The following SCAPER variants were observed in gnomAD, a reference collection of about 807,000 sequenced individuals.
SCAPER encodes the protein S-phase cyclin A associated protein in the ER, also known as S phase cyclin A-associated protein in the endoplasmic reticulum.
Under a neutral mutation model 182.2 loss-of-function variants are expected in SCAPER, and 98 were observed. That is an observed-to-expected ratio of 0.54 (90% confidence interval 0.46 to 0.64). The LOEUF is 0.64. Ranked by LOEUF, SCAPER falls within the 30% of genes least tolerant of loss-of-function variation. The probability of loss-of-function intolerance (pLI) is 0.00; values close to 1 mark genes in which losing one functional copy is unlikely to be tolerated. For synonymous variants in SCAPER, 605 were observed against 564.6 expected, an observed-to-expected ratio of 1.07 and a Z score of -1.01; for missense variants, 1,432 against 1,690.0, an observed-to-expected ratio of 0.85 and a Z score of 2.68.
chr15:76,568,214 TATATATATATAC>T (rs1462555265), intron 23 of SCAPER, among the ~76,000 whole-genome samples: 5 of 101,230 alleles, frequency 4.9e-5, no homozygotes, highest in Non-Finnish European at 1.2e-4. Flanking sequence ...TATATATATA[TATATATATATAC>T]AAATGGGACT....
chr15:76,609,692 A>G (rs1316859124), intron 22 of SCAPER, among the ~76,000 whole-genome samples: 1 of 152,214 alleles, frequency 6.6e-6, no homozygotes, highest in Non-Finnish European at 1.5e-5. Flanking sequence ...GACTTTTAGT[A>G]TATCCTGTCA....
At chr15:76,364,168 A>T (rs1002124691) in intron 29 of SCAPER, among the ~76,000 whole-genome samples, 1 of 152,244 alleles carries the variant, frequency 6.6e-6, no homozygotes, top group Admixed American at 6.5e-5. Flanking sequence ...TCCTTTGGCT[A>T]GCACCGCAAA....
chr15:76,637,742 ATGTGTGTGTG>A (rs55726181), intron 21 of SCAPER, among the ~76,000 whole-genome samples: 17,301 of 105,646 alleles, frequency 0.16, 2,181 homozygotes, highest in Admixed American at 0.23. Flanking sequence ...ATATATATAT[ATGTGTGTGTG>A]TGTGTGTGTG....
At chr15:76,404,502 T>C in intron 27 of SCAPER, 22 bp downstream of exon 27, 3 of 1,579,452 alleles carry the variant, frequency 1.9e-6, no homozygotes, top group Non-Finnish European at 2.6e-6. Context: ...GAGTCTAGAT[T>C]GAGATCAAGT....
intron 2 of SCAPER, among the ~76,000 whole-genome samples, chr15:76,873,457 T>C (rs2072922637): frequency 1.3e-5 from 2 of 151,902 alleles, no homozygotes; most frequent in African/African-American, 4.8e-5. Flanking sequence ...TGGAAAGATA[T>C]ACTGCTAGAG....
chr15:76,843,319 G>C (rs778947101), intron 4 of SCAPER, among the ~76,000 whole-genome samples: 10 of 152,024 alleles, frequency 6.6e-5, no homozygotes, highest in Admixed American at 3.9e-4. Context: ...TTTTATAAAG[G>C]GTTTTTGAAA....
At chr15:76,389,769 A>G (rs896918739) in intron 27 of SCAPER, among the ~76,000 whole-genome samples, 1 of 141,644 alleles carries the variant, frequency 7.1e-6, no homozygotes, top group Non-Finnish European at 1.5e-5. Flanking sequence ...AGGAGTGGAG[A>G]TGCGCCACTG....
chr15:76,780,223 C>T (rs188166528), intron 8 of SCAPER, among the ~76,000 whole-genome samples: 1 of 152,374 alleles, frequency 6.6e-6, no homozygotes, highest in East Asian at 1.9e-4. Context: ...CCAGGAGATT[C>T]TCTCCCGCGC....
At chr15:76,883,609 GA>G (rs2073692316) in intron 2 of SCAPER, among the ~76,000 whole-genome samples, 2 of 152,210 alleles carry the variant, frequency 1.3e-5, no homozygotes, top group African/African-American at 4.8e-5. Flanking sequence ...ATAAGTGTTA[GA>G]GGCAAGCCTG....
At chr15:76,735,697 C>CAAAA (rs34341849) in intron 15 of SCAPER, among the ~76,000 whole-genome samples, 3 of 106,658 alleles carry the variant, frequency 2.8e-5, no homozygotes, top group African/African-American at 1.3e-4. Flanking sequence ...GACTCCGTCT[C>CAAAA]AAAAAAAAAA....
At chr15:76,819,022 G>C (rs112114275) in intron 5 of SCAPER, among the ~76,000 whole-genome samples, 6 of 152,202 alleles carry the variant, frequency 3.9e-5, no homozygotes, top group Non-Finnish European at 8.8e-5. Flanking sequence ...ACTGCAAGGC[G>C]GCAGCGAGGC....
In SCAPER at chr15:76,640,581, A is replaced by G. The variant is rs139041886; in HGVS notation, c.2646-18752T>C. ...TCTTTGGGAGGATCCACTATCATTA[A>G]TTTTATTCTGTGTATAATTTGTGCT... is the stretch of plus-strand genomic sequence containing the variant. On this transcript the variant is annotated intron_variant, in intron 21 of 31. Coordinates refer to ENST00000563290, the MANE Select transcript of SCAPER (RefSeq NM_020843.4). Among the ~76,000 whole-genome samples, 152 of 152,294 alleles carry G rather than the reference A, an allele frequency of 1.0e-3. 2 individuals carry two copies. In the East Asian group the frequency reaches 0.014, roughly 14 times the overall value.
intron 6 of SCAPER, among the ~76,000 whole-genome samples, chr15:76,802,266 G>C (rs2065855178): frequency 6.6e-6 from 1 of 152,146 alleles, no homozygotes; most frequent in African/African-American, 2.4e-5. Flanking sequence ...ATTAGACCCG[G>C]TATAGGCTCT....
chr15:76,608,429 T>C (rs2050661049), intron 22 of SCAPER, among the ~76,000 whole-genome samples: 1 of 152,196 alleles, frequency 6.6e-6, no homozygotes, highest in South Asian at 2.1e-4. Context: ...CTGCCCCTAC[T>C]GGGGGATGCC....
rs745328808 is a variant in SCAPER at position 76,753,959 on chromosome 15, T to G, written c.1726-11A>C. The stretch of plus-strand genomic sequence containing the variant: ...CCGGACATCCTTCTCCTACGTATAG[T>G]GAATCATCACATCCTTAATTTCAAT... On this transcript the variant is annotated splice_polypyrimidine_tract_variant and intron_variant, in intron 14 of 31. Coordinates refer to ENST00000563290, the MANE Select transcript of SCAPER (RefSeq NM_020843.4). 6.2e-7 allele frequency: 1 copy of G among 1,610,128 alleles called. No individual in the cohort carries two copies. The highest frequency in any genetic ancestry group is 8.5e-7 in the Non-Finnish European group (1 of 1,178,080).
At chr15:76,433,596 G>A (rs969938501) in intron 26 of SCAPER, among the ~76,000 whole-genome samples, 1 of 152,012 alleles carries the variant, frequency 6.6e-6, no homozygotes, top group African/African-American at 2.4e-5. Context: ...AAAATTTTTG[G>A]TTTCACTGAG....
chr15:76,543,663 A>G (rs545642102), intron 23 of SCAPER, among the ~76,000 whole-genome samples: 2 of 152,258 alleles, frequency 1.3e-5, no homozygotes, highest in South Asian at 2.1e-4. Context: ...GGATGCTTCA[A>G]AGTGGAGGAA....
chr15:76,484,493 G>C (rs1462861337), intron 24 of SCAPER, among the ~76,000 whole-genome samples: 2 of 152,126 alleles, frequency 1.3e-5, no homozygotes, highest in African/African-American at 4.8e-5. Context: ...AACTGAGGCA[G>C]TAATAAATAG....
chr15:76,417,882 G>A (rs1465906423), intron 26 of SCAPER, among the ~76,000 whole-genome samples: 2 of 152,138 alleles, frequency 1.3e-5, no homozygotes, highest in Non-Finnish European at 2.9e-5. Context: ...GCTGGGCGTG[G>A]TGGTGCGCGC....
Sources: allele counts gnomAD v4.1 joint callset (sites outside exome capture counted in the v4.1 genomes callset), GRCh38; gene constraint gnomAD v4.1.1; transcripts MANE v1.5; gene names NCBI Gene and HGNC (gene_info 2026-07-23, HGNC 2026-07-21).